SIGLEC9: variants seen among roughly 807,000 people sequenced by gnomAD.
SIGLEC9 encodes sialic acid-binding Ig-like lectin 9.
Under a neutral mutation model 38.3 loss-of-function variants are expected in SIGLEC9, and 26 were observed. The observed-to-expected ratio is 0.68, with a 90% CI of 0.50 to 0.94. SIGLEC9 has a LOEUF of 0.94. SIGLEC9 is among the 40% of genes least tolerant of loss of function. The probability of loss-of-function intolerance (pLI) is 0.00; values close to 1 mark genes in which losing one functional copy is unlikely to be tolerated. For synonymous variants in SIGLEC9, 236 were observed against 248.0 expected (o/e 0.95, Z 0.45); for missense variants, 556 against 585.7 (o/e 0.95, Z 0.52).
At chr19:51,131,840 C>T (rs977786273), downstream of SIGLEC9, among the ~76,000 whole-genome samples, 4 of 150,856 alleles carry the variant, frequency 2.7e-5, no homozygotes, top group Non-Finnish European at 2.9e-5. Context: ...TGCTTGAACC[C>T]GGGAGGCGGA....
At chr19:51,135,915 A>C in intron 6 of SIGLEC9, 1 of 695,080 alleles carries the variant, frequency 1.4e-6, no homozygotes, top group Non-Finnish European at 2.6e-6. Flanking sequence ...TTTCAGCTCT[A>C]ACAGATCAGT....
At chr19:51,133,539 T>C (rs1385397579), downstream of SIGLEC9, among the ~76,000 whole-genome samples, 2 of 152,088 alleles carry the variant, frequency 1.3e-5, no homozygotes, top group African/African-American at 4.8e-5. Context: ...GCCAAGATTG[T>C]GCCACTGTAC....
chr19:51,128,480 T>G lies in SIGLEC9; in HGVS notation c.1173T>G (p.Asp391Glu). The change falls in exon 6 of 7, where the codon GAT becomes GAG. Residue 391 changes from aspartate (D) to glutamate (E), a missense_variant. Transcript: ENST00000250360. The part of the protein sequence containing the change: ...AAGVGDTGIE[D>E]ANAVRGSASQ... ...GCGTGGGAGATACGGGCATAGAGGATGCAAACGCTGTCAGGGGTTCAGCCT... is the reference window on the plus strand; with the variant it reads ...GCGTGGGAGATACGGGCATAGAGGAGGCAAACGCTGTCAGGGGTTCAGCCT... 6.2e-7 allele frequency: 1 copy of G among 1,614,056 alleles called. No individual in the cohort carries two copies. The highest frequency in any genetic ancestry group is 8.5e-7 in the Non-Finnish European group (1 of 1,179,958).
In SIGLEC9 at chr19:51,130,224, C is replaced by T. The variant is rs752249760; in HGVS notation, c.*145C>T. 2.2e-6 allele frequency: 3 copies of T among 1,360,534 alleles called. No individual in the cohort carries two copies. Among genetic ancestry groups the T allele is most frequent in the Non-Finnish European group, 2.8e-6 (3 of 1,056,338 alleles). 84.3% of individuals were successfully genotyped at this position (1,360,534 alleles called of 1,614,324 possible). On this transcript the variant is annotated 3_prime_UTR_variant, in exon 7 of 7. Coordinates refer to ENST00000250360, the MANE Select transcript of SIGLEC9 (RefSeq NM_014441.3). ...AATTATGTGCAGAGTGAAAAGCACACAGGCTTTAGAGTCAAAGTATCTCAA... is the reference window on the plus strand; with the variant it reads ...AATTATGTGCAGAGTGAAAAGCACATAGGCTTTAGAGTCAAAGTATCTCAA...
At position 51,125,759 on chromosome 19, in the gene SIGLEC9, C is replaced by T. The variant is rs2091974668; in HGVS notation, c.584C>T (p.Ser195Phe). ...CCCCTGGACCCCTCCACCACCCGCT[C>T]CTCGGTGCTCACCCTCATCCCACAG... is the stretch of plus-strand genomic sequence containing the variant. The part of the protein sequence containing the change: ...VSPLDPSTTR[S>F]SVLTLIPQPQ... The change falls in exon 2 of 7, where the codon TCC (serine) becomes TTC (phenylalanine). Residue 195 changes from serine (S) to phenylalanine (F), a missense_variant. Ser to Phe is a radical substitution (Grantham distance 155). Transcript: ENST00000250360. 2.5e-6 allele frequency: 4 copies of T among 1,614,094 alleles called. No homozygotes were observed. Among genetic ancestry groups the T allele is most frequent in the Non-Finnish European group, 3.4e-6 (4 of 1,179,980 alleles).
upstream of SIGLEC9, chr19:51,120,733 G>A (rs2091948720): frequency 3.1e-5 from 6 of 193,222 alleles, no homozygotes; most frequent in Middle Eastern, 1.3e-3. This position sits in a 1 kb window ranked among gnomAD's most constrained non-coding sequence, Gnocchi z 4.1. Flanking sequence ...GTGTGACCAT[G>A]GGGAGAACCA....
chr19:51,127,051 G>T lies in SIGLEC9; in HGVS notation c.770G>T (p.Gly257Val). ...DGTVSTVLGN[G>V]SSLSLPEGQS... is the part of the protein sequence containing the mutation. ...ACAGTATCCACAGTCTTGGGAAATG[G>T]CTCATCTCTGTCACTCCCAGAGGGC... Residue 257 changes from glycine to valine, a missense_variant, in exon 4 of 7, where the codon GGC becomes GTC. Gly to Val is a moderately radical substitution (Grantham distance 109). Coordinates refer to ENST00000250360, the MANE Select transcript of SIGLEC9 (RefSeq NM_014441.3). The T allele has an allele frequency of 1.2e-6, 2 of 1,614,040 alleles. No homozygotes were observed. The highest frequency in any genetic ancestry group is 1.7e-6 in the Non-Finnish European group (2 of 1,179,944).
intron 1 of SIGLEC9, 83 bp from the exon 2 acceptor site, chr19:51,125,514 G>C: frequency 6.4e-7 from 1 of 1,570,256 alleles, no homozygotes; most frequent in Non-Finnish European, 8.6e-7. Flanking sequence ...GCTCAGGGCA[G>C]GAGCTGGACC....
upstream of SIGLEC9, among the ~76,000 whole-genome samples, chr19:51,122,373 G>C (rs1395047037): frequency 6.6e-6 from 1 of 152,128 alleles, no homozygotes; most frequent in Non-Finnish European, 1.5e-5. The surrounding 1 kb of genome is among the most constrained non-coding windows in gnomAD (Gnocchi z 4.1). Flanking sequence ...ACGAGGTCAG[G>C]AGTTCAAGAC....
At chr19:51,125,514 G>A in intron 1 of SIGLEC9, 83 bp from the exon 2 acceptor site, 1 of 1,570,256 alleles carries the variant, frequency 6.4e-7, no homozygotes, top group Non-Finnish European at 8.6e-7. Context: ...GCTCAGGGCA[G>A]GAGCTGGACC....
At chr19:51,129,171 G>GTTTTTTTTTTTTTTTTTTTTTTTTTTTTT in intron 6 of SIGLEC9, among the ~76,000 whole-genome samples, 1 of 139,044 alleles carries the variant, frequency 7.2e-6, no homozygotes, top group African/African-American at 3.0e-5. Flanking sequence ...TGTTGTTGTT[G>GTTTTTTTTTTTTTTTTTTTTTTTTTTTTT]TTTTTGAGAC....
chr19:51,125,253 C>G lies in SIGLEC9; in HGVS notation c.279C>G (p.Leu93=). Residue 93 remains leucine (L), a synonymous_variant, in exon 1 of 7, where the codon CTC becomes CTG. Transcript: ENST00000250360. ...VWEETRDRFH[L]LGDPHTKNCT... is the part of the protein sequence containing the mutation. ...AGGAGACTCGGGACCGATTCCACCT[C>G]CTTGGGGACCCACATACCAAGAATT... 1.2e-6 allele frequency: 2 copies of G among 1,614,044 alleles called. No individual in the cohort carries two copies. Among genetic ancestry groups the G allele is most frequent in the South Asian group, 1.1e-5 (1 of 91,052 alleles).
intron 1 of SIGLEC9, 92 bp downstream of exon 1, chr19:51,125,487 T>C (rs535005842): frequency 1.9e-6 from 3 of 1,554,120 alleles, no homozygotes; most frequent in Middle Eastern, 1.7e-4. Flanking sequence ...GGAGAGGGCT[T>C]AGGGTGAAGC....
chr19:51,135,986 C>A, exon 7 of SIGLEC9: 1 of 703,014 alleles, frequency 1.4e-6, no homozygotes. Flanking sequence ...TATTGGATTT[C>A]CTACATTCCT....
downstream of SIGLEC9, among the ~76,000 whole-genome samples, chr19:51,131,353 C>T (rs1181819167): frequency 3.3e-5 from 5 of 151,954 alleles, no homozygotes; most frequent in East Asian, 9.7e-4. Context: ...TTTGGGAGGC[C>T]GAGGTGGGCA....
In SIGLEC9 at chr19:51,129,900, A is replaced by G; in HGVS notation, c.1213A>G (p.Thr405Ala). The G allele has an allele frequency of 1.3e-6, 2 of 1,590,710 alleles. No individual in the cohort carries two copies. Among genetic ancestry groups the G allele is most frequent in the Non-Finnish European group, 1.7e-6 (2 of 1,169,164 alleles). ...VRGSASQGPL[T>A]EPWAEDSPPD... ...CTCTCCCATGTCTCAGGGGCCCCTG[A>G]CTGAACCTTGGGCAGAAGACAGTCC... is the stretch of plus-strand genomic sequence containing the variant. Residue 405 changes from threonine (T) to alanine (A), a missense_variant, in exon 7 of 7, where the codon ACT becomes GCT. Physicochemically the swap from Thr to Ala is moderately conservative, Grantham distance 58. Coordinates refer to ENST00000250360, the MANE Select transcript of SIGLEC9 (RefSeq NM_014441.3).
chr19:51,121,600 T>C (rs2091950381), upstream of SIGLEC9, among the ~76,000 whole-genome samples: 1 of 139,632 alleles, frequency 7.2e-6, no homozygotes, highest in Admixed American at 6.8e-5. Flanking sequence ...TTTTTTTTTT[T>C]TTGAAGATGA....
chr19:51,123,844 C>T (rs962480996), upstream of SIGLEC9, among the ~76,000 whole-genome samples: 1 of 152,180 alleles, frequency 6.6e-6, no homozygotes, highest in Non-Finnish European at 1.5e-5. Flanking sequence ...ACAGGATACT[C>T]CCAGTTCCTC....
Position 51,125,616 on chromosome 19 carries a change from C to T in SIGLEC9, c.441C>T (p.Asn147=). ...CACCAGCCTTGACCCACAGGCCCAA[C>T]ATCCTCATCCCAGGCACCCTGGAGT... The part of the protein sequence containing the change: ...VNVTALTHRP[N]ILIPGTLESG... Residue 147 remains asparagine (N), a synonymous_variant, in exon 2 of 7, where the codon AAC becomes AAT. Coordinates refer to ENST00000250360, the MANE Select transcript of SIGLEC9 (RefSeq NM_014441.3). 1 of 1,611,726 alleles carries T rather than the reference C, an allele frequency of 6.2e-7. No homozygotes were observed. The highest frequency in any genetic ancestry group is 8.5e-7 in the Non-Finnish European group (1 of 1,179,962).
Sources: gnomAD v4.1 joint callset for allele counts (sites outside exome capture counted in the v4.1 genomes callset) on GRCh38, gnomAD v4.1.1 for gene constraint, Gnocchi (gnomAD v3.1) non-coding constraint, MANE v1.5 for transcripts, NCBI Gene and HGNC (gene_info 2026-07-23, HGNC 2026-07-21) for gene names.